The following GPC6 variants were observed in gnomAD, a reference collection of about 807,000 sequenced individuals.
The protein encoded by GPC6 is glypican-6.
GPC6 carries 14 observed loss-of-function variants against 55.2 expected under a neutral mutation model. The ratio of observed to expected loss-of-function variants is 0.25; its 90% CI spans 0.17 to 0.40. The LOEUF is 0.40. Among genes scored for constraint, GPC6 ranks in the 10% least tolerant of loss-of-function variants. GPC6 has a pLI of 1.00. For synonymous variants in GPC6, 278 were observed against 259.6 expected, an observed-to-expected ratio of 1.07 and a Z score of -0.68; for missense variants, 641 against 708.5, an observed-to-expected ratio of 0.90 and a Z score of 1.08.
At chr13:93,735,576 A>C (rs568283909) in intron 2 of GPC6, among the ~76,000 whole-genome samples, 1 of 152,216 alleles carries the variant, frequency 6.6e-6, no homozygotes, top group African/African-American at 2.4e-5. Flanking sequence ...ATGATGAGTA[A>C]GGGATGACAA....
At chr13:93,754,600 C>T (rs1211892902) in intron 2 of GPC6, among the ~76,000 whole-genome samples, 1 of 151,918 alleles carries the variant, frequency 6.6e-6, no homozygotes, top group Non-Finnish European at 1.5e-5. Flanking sequence ...TTCCCCTACA[C>T]TTAGAATCAG....
At chr13:93,878,428 G>T (rs965307720) in intron 3 of GPC6, among the ~76,000 whole-genome samples, 1 of 152,020 alleles carries the variant, frequency 6.6e-6, no homozygotes, top group Non-Finnish European at 1.5e-5. Context: ...CCAGGCTGGA[G>T]TGCAGTGGCA....
intron 6 of GPC6, among the ~76,000 whole-genome samples, chr13:94,344,679 A>G (rs1291821874): frequency 1.3e-5 from 2 of 152,216 alleles, no homozygotes; most frequent in African/African-American, 4.8e-5. Context: ...AGCCCCCGCT[A>G]ACACCGAGCA....
intron 1 of GPC6, among the ~76,000 whole-genome samples, chr13:93,327,119 G>A (rs907955691): frequency 2.0e-5 from 3 of 152,090 alleles, no homozygotes; most frequent in South Asian, 2.1e-4. Flanking sequence ...ATTTTTTTCC[G>A]GTAGTTTTTG....
intron 2 of GPC6, among the ~76,000 whole-genome samples, chr13:93,819,362 T>C (rs146135385): frequency 6.6e-6 from 1 of 152,178 alleles, no homozygotes. Flanking sequence ...AGAACTGGGT[T>C]TGTGAACAGG....
intron 1 of GPC6, among the ~76,000 whole-genome samples, chr13:93,436,602 A>G (rs1877581256): frequency 6.6e-6 from 1 of 152,140 alleles, no homozygotes; most frequent in African/African-American, 2.4e-5. Context: ...TTTAAAAACA[A>G]AAACACAGGT....
rs1454945323 is a variant in GPC6, at chr13:94,292,575, T to G, written c.1008+6096T>G. Among the ~76,000 whole-genome samples, 3 of 152,204 alleles carry G rather than the reference T, an allele frequency of 2.0e-5. No homozygotes were observed. In the East Asian group the frequency reaches 5.8e-4, roughly 29 times the overall value. On this transcript the variant is annotated intron_variant, in intron 5 of 8. Coordinates refer to ENST00000377047, the MANE Select transcript of GPC6 (RefSeq NM_005708.5). The stretch of plus-strand genomic sequence containing the variant: ...GATAGTACACAATATAAAATTCTTC[T>G]TTCTCTCTTATGTATCTCTTATGTA...
chr13:93,746,141 T>C (rs1884389416), intron 2 of GPC6, among the ~76,000 whole-genome samples: 1 of 152,204 alleles, frequency 6.6e-6, no homozygotes, highest in Admixed American at 6.5e-5. Flanking sequence ...TACAAAAGTG[T>C]ACCAATGATC....
chr13:93,650,869 A>ATT lies in GPC6; in HGVS notation c.319+105457_319+105458dup, dbSNP rs34513238. The stretch of plus-strand genomic sequence containing the variant: ...CTGTCATCGTTTTCCTCAAAATCAC[A>ATT]TTTTTTTTTTAACCTGCTTCTGTGT... On this transcript the variant is annotated intron_variant, in intron 2 of 8. Coordinates refer to ENST00000377047, the MANE Select transcript of GPC6 (RefSeq NM_005708.5). Among the ~76,000 whole-genome samples the ATT allele has an allele frequency of 1.3e-3, 197 of 150,676 alleles. No homozygotes were observed. In the Middle Eastern group the frequency reaches 0.014, roughly 10 times the overall value.
intron 2 of GPC6, among the ~76,000 whole-genome samples, chr13:93,731,266 A>G (rs1195691151): frequency 6.6e-6 from 1 of 152,130 alleles, no homozygotes; most frequent in African/African-American, 2.4e-5. Context: ...TCTTTTTCCA[A>G]CAGGAATATG....
intron 1 of GPC6, among the ~76,000 whole-genome samples, chr13:93,529,110 G>A (rs1445246): frequency 0.061 from 9,203 of 152,072 alleles, 915 homozygotes; most frequent in African/African-American, 0.21. Flanking sequence ...TTGCATCCCA[G>A]TGCATATACA....
In GPC6 at chr13:94,398,389, G is replaced by T. The variant is rs1880985826; in HGVS notation, c.1290-77G>T. 1.5e-5 allele frequency: 16 copies of T among 1,083,476 alleles called. 1 individual carries two copies. In the South Asian group the frequency reaches 2.0e-4, roughly 14 times the overall value. The allele number at this position is 1,083,476 out of a possible 1,614,324, so 67.1% of individuals were successfully genotyped here. A position where few individuals can be genotyped will look rare whatever the true frequency, so the allele number is the denominator to read the frequency against. ...GGCTGACTGTCAGAGACAGTCATCT[G>T]GTTTTGCATGGCAGCATCTGGTTTT... is the stretch of plus-strand genomic sequence containing the variant. On this transcript the variant is annotated intron_variant, in intron 7 of 8. Transcript: ENST00000377047.
chr13:93,689,272 A>G (rs370392135), intron 2 of GPC6, among the ~76,000 whole-genome samples: 23 of 152,236 alleles, frequency 1.5e-4, no homozygotes, highest in African/African-American at 5.5e-4. Context: ...ATTGCAAACA[A>G]TCCACAAAAC....
Position 94,403,009 on chromosome 13 carries a change from CACTAGGT to C in GPC6, c.1466-5_1467del, listed in dbSNP as rs1468365514. ...CTAACTTTCTTTTTCAATCTTTCCA[CACTAGGT>C]GATGAATCCAGTGGCTCAGGGAGTG... On this transcript the variant is annotated splice_acceptor_variant and splice_polypyrimidine_tract_variant and coding_sequence_variant and intron_variant, in exon 9 of 9. Coordinates refer to ENST00000377047, the MANE Select transcript of GPC6 (RefSeq NM_005708.5). LOFTEE classifies it high-confidence loss of function. The C allele has an allele frequency of 6.3e-7, 1 of 1,597,146 alleles. No homozygotes were observed. Among genetic ancestry groups the C allele is most frequent in the Admixed American group, 1.7e-5 (1 of 60,012 alleles).
At chr13:93,474,100 G>T (rs1274733155) in intron 1 of GPC6, among the ~76,000 whole-genome samples, 1 of 152,184 alleles carries the variant, frequency 6.6e-6, no homozygotes, top group Non-Finnish European at 1.5e-5. Flanking sequence ...TTTAAATGCT[G>T]TGGAAACTGT....
chr13:94,076,168 G>A (rs9516346), intron 4 of GPC6, among the ~76,000 whole-genome samples: 17,476 of 151,412 alleles, frequency 0.12, 1,287 homozygotes, highest in East Asian at 0.29. Context: ...CCTAGCAGGT[G>A]TGAGGTGATA....
chr13:93,754,843 C>T (rs1172196245), intron 2 of GPC6, among the ~76,000 whole-genome samples: 1 of 152,150 alleles, frequency 6.6e-6, no homozygotes, highest in African/African-American at 2.4e-5. Flanking sequence ...CTGGAATCCA[C>T]TTGGCTACTA....
chr13:93,935,441 C>CT (rs1157097070), intron 3 of GPC6, among the ~76,000 whole-genome samples: 1 of 152,044 alleles, frequency 6.6e-6, no homozygotes, highest in Non-Finnish European at 1.5e-5. Context: ...TGCTTTTATT[C>CT]TTTTTTATGG....
chr13:93,891,538 A>G (rs1466667091), intron 3 of GPC6, among the ~76,000 whole-genome samples: 2 of 152,150 alleles, frequency 1.3e-5, no homozygotes, highest in Non-Finnish European at 2.9e-5. Flanking sequence ...GAGGCAATAC[A>G]TTGAAACAGT....
Sources: gnomAD v4.1 joint callset for allele counts (sites outside exome capture counted in the v4.1 genomes callset) on GRCh38, gnomAD v4.1.1 for gene constraint, MANE v1.5 for transcripts, NCBI Gene and HGNC (gene_info 2026-07-23, HGNC 2026-07-21) for gene names.